The following REPS2 variants were observed in gnomAD, a reference collection of about 807,000 sequenced individuals.
The protein encoded by REPS2 is RALBP1 associated Eps domain containing 2, also known as ralBP1-associated Eps domain-containing protein 2.
In REPS2, 23 loss-of-function variants were observed where a neutral mutation model predicts 53.6. That is an observed-to-expected ratio of 0.43 (90% CI 0.31 to 0.61). REPS2 has a LOEUF of 0.61. Ranked by LOEUF, REPS2 falls within the 20% of genes least tolerant of loss-of-function variation. The pLI is 0.11. For missense variants in REPS2, 446 were observed against 534.9 expected, an observed-to-expected ratio of 0.83 and a Z score of 1.64; for synonymous variants, 238 against 218.6, an observed-to-expected ratio of 1.09 and a Z score of -0.78.
intron 1 of REPS2, among the ~76,000 whole-genome samples, chrX:16,959,121 CAG>C (rs1486057900): frequency 8.9e-6 from 1 of 112,187 alleles, no homozygotes; most frequent in African/African-American, 3.2e-5. Flanking sequence ...TATTTTGAGA[CAG>C]GGTCTTGTTC....
intron 1 of REPS2, among the ~76,000 whole-genome samples, chrX:16,966,085 CAGAGGGAGACTGTGGAAAGAGAGGG>C (rs1602530878): frequency 8.9e-6 from 1 of 112,118 alleles, no homozygotes; most frequent in African/African-American, 3.3e-5. Flanking sequence ...GGCTCGGCAT[CAGAGGGAGACTGTGGAAAGAGAGGG>C]AGAGGGAGAC....
chrX:17,186,460 A>T, the REPS2 span, among the ~76,000 whole-genome samples: 1 of 112,252 alleles, frequency 8.9e-6, no homozygotes, highest in Non-Finnish European at 1.9e-5. Flanking sequence ...CATTTTATGA[A>T]TGAAAACTGA....
Position 17,147,462 on chromosome X carries a change from G to A in REPS2, c.1964G>A (p.Arg655His), listed in dbSNP as rs187790449. 1.7e-6 allele frequency: 2 copies of A among 1,203,523 alleles called. No individual in the cohort carries two copies. The highest frequency in any genetic ancestry group is 3.0e-5 in the East Asian group (1 of 33,606). Residue 655 changes from arginine to histidine, a missense_variant, in exon 18 of 18, where the codon CGT becomes CAT. Physicochemically the swap from Arg to His is conservative, Grantham distance 29. Transcript: ENST00000357277. Reference sequence around the variant, plus strand: ...TTGGAAAACCAATTGGAACAACTTCGTCCGGTCACTGTGTTGTGACCCCCC... The same window carrying A: ...TTGGAAAACCAATTGGAACAACTTCATCCGGTCACTGTGTTGTGACCCCCC... Reference protein sequence around the residue: ...IALENQLEQLRPVTVL With the variant: ...IALENQLEQLHPVTVL
At chrX:17,166,214 A>C in the REPS2 span, among the ~76,000 whole-genome samples, 1 of 110,650 alleles carries the variant, frequency 9.0e-6, no homozygotes, top group Admixed American at 9.6e-5. Flanking sequence ...TCACCCACAG[A>C]GTCCCTGAAT....
intron 4 of REPS2, 92 bp from the exon 5 acceptor site, chrX:17,029,434 A>G (rs2061682060): frequency 1.6e-6 from 1 of 611,472 alleles, no homozygotes; most frequent in East Asian, 3.4e-5. Flanking sequence ...TTCTTTCCTG[A>G]AAAGCAGATG....
intron 13 of REPS2, among the ~76,000 whole-genome samples, chrX:17,097,140 A>G (rs1275856181): frequency 1.8e-5 from 2 of 111,882 alleles, no homozygotes; most frequent in Non-Finnish European, 3.8e-5. Context: ...CTAACAAAAG[A>G]GTGATTTGAC....
chrX:17,056,465 G>A (rs932760089), intron 8 of REPS2, among the ~76,000 whole-genome samples: 7 of 111,617 alleles, frequency 6.3e-5, no homozygotes, highest in Admixed American at 1.9e-4. Context: ...CGAGGCGGGC[G>A]GATCATGAGG....
downstream of REPS2, among the ~76,000 whole-genome samples, chrX:17,155,475 A>G (rs1033414223): frequency 8.9e-6 from 1 of 112,024 alleles, no homozygotes; most frequent in Non-Finnish European, 1.9e-5. Flanking sequence ...CATTCAAATT[A>G]TAGCAGATGG....
At chrX:17,123,175 C>A (rs1234529835) in intron 14 of REPS2, among the ~76,000 whole-genome samples, 4 of 111,640 alleles carry the variant, frequency 3.6e-5, no homozygotes, top group African/African-American at 1.3e-4. Flanking sequence ...GGGCATCTTT[C>A]TTCAACCTCA....
intron 14 of REPS2, among the ~76,000 whole-genome samples, chrX:17,106,652 G>A (rs2062878524): frequency 9.0e-6 from 1 of 110,857 alleles, no homozygotes; most frequent in African/African-American, 3.3e-5. Flanking sequence ...CTGACCTCGT[G>A]ATCCACCTGC....
At chrX:17,016,325 T>A (rs1395085272) in intron 2 of REPS2, among the ~76,000 whole-genome samples, 1 of 112,827 alleles carries the variant, frequency 8.9e-6, no homozygotes, top group Non-Finnish European at 1.9e-5. Flanking sequence ...AAAGTAGCCA[T>A]GGACAGCATG....
At chrX:16,983,067 G>C (rs2061038575) in intron 1 of REPS2, among the ~76,000 whole-genome samples, 1 of 112,511 alleles carries the variant, frequency 8.9e-6, no homozygotes, top group Non-Finnish European at 1.9e-5. Flanking sequence ...ATCCAACACT[G>C]CACAGGACAG....
chrX:16,989,053 A>G (rs1258562333), intron 1 of REPS2, among the ~76,000 whole-genome samples: 1 of 111,797 alleles, frequency 8.9e-6, no homozygotes, highest in Non-Finnish European at 1.9e-5. Flanking sequence ...TTTAAGACAT[A>G]TAACTACAGT....
chrX:17,009,947 A>G (rs1280341140), intron 2 of REPS2, among the ~76,000 whole-genome samples: 1 of 110,379 alleles, frequency 9.1e-6, no homozygotes, highest in Non-Finnish European at 1.9e-5. Flanking sequence ...CCTTCTAGCC[A>G]TTTCTGGGTG....
chrX:17,013,890 C>T (rs1569125962), intron 2 of REPS2, among the ~76,000 whole-genome samples: 1 of 110,979 alleles, frequency 9.0e-6, no homozygotes, highest in Non-Finnish European at 1.9e-5. Flanking sequence ...GACTGTACGG[C>T]TGGACATTTG....
At chrX:17,043,756 C>A (rs1398751443) in intron 5 of REPS2, among the ~76,000 whole-genome samples, 1 of 112,785 alleles carries the variant, frequency 8.9e-6, no homozygotes, top group South Asian at 3.6e-4. Flanking sequence ...GCCCATGAAC[C>A]CTTACTCCCA....
chrX:17,100,695 T>G (rs2062780199), intron 13 of REPS2, among the ~76,000 whole-genome samples: 2 of 112,461 alleles, frequency 1.8e-5, no homozygotes, highest in East Asian at 2.8e-4. Context: ...AAATTCAACT[T>G]TTACAGTAGA....
intron 13 of REPS2, among the ~76,000 whole-genome samples, chrX:17,092,007 C>T (rs905408589): frequency 7.2e-5 from 8 of 111,532 alleles, no homozygotes; most frequent in Non-Finnish European, 1.3e-4. Flanking sequence ...GTTTTTCCCC[C>T]CTTTGGTATT....
At chrX:17,127,983 G>T (rs2063237630) in intron 14 of REPS2, among the ~76,000 whole-genome samples, 1 of 111,673 alleles carries the variant, frequency 9.0e-6, no homozygotes, top group African/African-American at 3.3e-5. Context: ...GACTGCTTGG[G>T]TGTCCTCACA....
Sources: gnomAD v4.1 joint callset for allele counts (sites outside exome capture counted in the v4.1 genomes callset) on GRCh38, gnomAD v4.1.1 for gene constraint, MANE v1.5 for transcripts, NCBI Gene and HGNC (gene_info 2026-07-23, HGNC 2026-07-21) for gene names.